Variants in WDPCP observed in about 807,000 individuals in gnomAD.
WDPCP encodes WD repeat-containing and planar cell polarity effector protein fritz homolog.
A neutral mutation model predicts 93.1 loss-of-function variants in WDPCP; 71 were observed. The ratio of observed to expected loss-of-function variants is 0.76; its 90% CI spans 0.63 to 0.93. WDPCP has a LOEUF of 0.93. Ranked by LOEUF, WDPCP falls within the 40% of genes least tolerant of loss-of-function variation. The pLI, the probability that WDPCP is intolerant of heterozygous loss-of-function variation, is 0.00. For synonymous variants in WDPCP, 315 were observed against 315.0 expected (o/e 1.00, Z 0.00); for missense variants, 844 against 887.4 (o/e 0.95, Z 0.62).
At chr2:63,567,502 C>T (rs1161478898) in intron 1 of WDPCP, among the ~76,000 whole-genome samples, 2 of 152,214 alleles carry the variant, frequency 1.3e-5, no homozygotes, top group African/African-American at 4.8e-5. Flanking sequence ...GCCTCTCTAG[C>T]TTCTCTTGAG....
At chr2:63,138,196 T>A (rs1388625158) in intron 17 of WDPCP, among the ~76,000 whole-genome samples, 1 of 151,916 alleles carries the variant, frequency 6.6e-6, no homozygotes, top group Non-Finnish European at 1.5e-5. Context: ...TGATTAAATT[T>A]TTGTACTCAT....
chr2:63,203,796 T>C (rs1200840363), intron 14 of WDPCP, among the ~76,000 whole-genome samples: 1 of 152,220 alleles, frequency 6.6e-6, no homozygotes, highest in Non-Finnish European at 1.5e-5. Context: ...AATTTTTAGC[T>C]CTTATAAATG....
chr2:63,281,661 A>G (rs1235641724), intron 13 of WDPCP, among the ~76,000 whole-genome samples: 2 of 152,214 alleles, frequency 1.3e-5, no homozygotes, highest in African/African-American at 4.8e-5. Context: ...GGAATTGAAT[A>G]ATGGCATTTG....
intron 1 of WDPCP, among the ~76,000 whole-genome samples, chr2:63,499,338 A>T (rs1701407676): frequency 6.6e-6 from 1 of 152,222 alleles, no homozygotes; most frequent in Non-Finnish European, 1.5e-5. Context: ...GCACAGGTAG[A>T]AGAGATAAAT....
chr2:63,150,135 G>C (rs913436147), intron 17 of WDPCP, among the ~76,000 whole-genome samples: 7 of 152,166 alleles, frequency 4.6e-5, no homozygotes, highest in African/African-American at 1.7e-4. Context: ...GGGACACCCA[G>C]GGGACTTCAA....
At chr2:63,159,329 G>A (rs1240202369) in intron 15 of WDPCP, among the ~76,000 whole-genome samples, 2 of 151,712 alleles carry the variant, frequency 1.3e-5, no homozygotes, top group Non-Finnish European at 2.9e-5. Context: ...GGGCTCAAGT[G>A]ATCTTCCTGC....
At chr2:63,180,213 G>A (rs1045216387) in intron 14 of WDPCP, among the ~76,000 whole-genome samples, 1 of 152,042 alleles carries the variant, frequency 6.6e-6, no homozygotes, top group African/African-American at 2.4e-5. Flanking sequence ...TTTTTGGTAT[G>A]CATTTAAGGG....
chr2:63,550,218 CACACACACACACACACACACA>C (rs1558793210), intron 1 of WDPCP, among the ~76,000 whole-genome samples: 12 of 151,630 alleles, frequency 7.9e-5, no homozygotes, highest in South Asian at 2.1e-4. Context: ...CACACACACA[CACACACACACACACACACACA>C]CCCTTCCTCT....
chr2:63,513,369 T>C (rs1234303617), intron 1 of WDPCP, among the ~76,000 whole-genome samples: 1 of 152,060 alleles, frequency 6.6e-6, no homozygotes, highest in Non-Finnish European at 1.5e-5. Context: ...GGAAGTATGT[T>C]GGGGAGAGGA....
chr2:63,236,568 C>G lies in WDPCP; in HGVS notation c.1915+22739G>C, dbSNP rs551334243. On this transcript the variant is annotated intron_variant, in intron 14 of 17. Transcript: ENST00000272321. ...AAGCTGGAGGCATCAGACTATCTGA[C>G]TTCAAACGACATTACAAGACTGCAG... 3.3e-5 allele frequency among the ~76,000 whole-genome samples: 5 copies of G among 152,302 alleles called. No homozygotes were observed. In the South Asian group the frequency reaches 1.0e-3, roughly 32 times the overall value.
intron 7 of WDPCP, 32 bp downstream of exon 7, chr2:63,439,725 T>G: frequency 6.3e-7 from 1 of 1,578,612 alleles, no homozygotes; most frequent in Non-Finnish European, 8.7e-7. Flanking sequence ...ACTGTTAATG[T>G]AGGCAATTGA....
Position 63,196,089 on chromosome 2 carries a change from T to C in WDPCP, c.1916-21257A>G, listed in dbSNP as rs548495843. Among the ~76,000 whole-genome samples, 7 of 152,366 alleles carry C rather than the reference T, an allele frequency of 4.6e-5. No homozygotes were observed. In the East Asian group the frequency reaches 9.6e-4, roughly 21 times the overall value. On this transcript the variant is annotated intron_variant, in intron 14 of 17. Coordinates refer to ENST00000272321, the MANE Select transcript of WDPCP (RefSeq NM_015910.7). ...GTGTATCATAGTAAAAAGTGATCTT[T>C]TGTGATTCTTGTGTATTTTTCATTA...
intron 2 of WDPCP, among the ~76,000 whole-genome samples, chr2:63,795,599 A>C (rs187721852): frequency 1.6e-4 from 25 of 152,096 alleles, no homozygotes; most frequent in African/African-American, 5.5e-4. Context: ...GAAAGAAAGA[A>C]AGAAAAGAAA....
intron 2 of WDPCP, among the ~76,000 whole-genome samples, chr2:63,685,888 A>G (rs757270729): frequency 6.6e-6 from 1 of 152,248 alleles, no homozygotes; most frequent in Non-Finnish European, 1.5e-5. Context: ...CTGAAAAAGC[A>G]TTTGATACAA....
At chr2:63,130,823 T>C (rs1670241571) in intron 17 of WDPCP, among the ~76,000 whole-genome samples, 1 of 152,164 alleles carries the variant, frequency 6.6e-6, no homozygotes. Context: ...ACTGCATTGC[T>C]GTCTATTTCT....
chr2:63,721,434 C>T (rs1432053969), intron 2 of WDPCP, among the ~76,000 whole-genome samples: 2 of 152,208 alleles, frequency 1.3e-5, no homozygotes, highest in Non-Finnish European at 2.9e-5. Flanking sequence ...CCACACAGAC[C>T]ACCATCTTTC....
intron 1 of WDPCP, among the ~76,000 whole-genome samples, chr2:63,520,585 A>C (rs1329321398): frequency 2.0e-5 from 3 of 152,212 alleles, no homozygotes; most frequent in Non-Finnish European, 4.4e-5. Flanking sequence ...GCCTACATTA[A>C]GCATTTTTTA....
At chr2:63,265,922 T>A (rs115609736) in intron 13 of WDPCP, among the ~76,000 whole-genome samples, 2,535 of 152,236 alleles carry the variant, frequency 0.017, 35 homozygotes, top group Non-Finnish European at 0.023. Flanking sequence ...TGCATGACCA[T>A]CTCAATAGAT....
intron 3 of WDPCP, among the ~76,000 whole-genome samples, chr2:63,646,693 C>T (rs953335782): frequency 6.6e-6 from 1 of 152,064 alleles, no homozygotes; most frequent in African/African-American, 2.4e-5. Context: ...TAAAGTAAAA[C>T]TTTGTTTTTC....
Sources: gnomAD v4.1 joint callset for allele counts (sites outside exome capture counted in the v4.1 genomes callset) on GRCh38, gnomAD v4.1.1 for gene constraint, MANE v1.5 for transcripts, NCBI Gene and HGNC (gene_info 2026-07-23, HGNC 2026-07-21) for gene names.